Variants in PLXNA2 observed in about 807,000 individuals in gnomAD.
PLXNA2 encodes plexin A2.
PLXNA2 carries 91 observed loss-of-function variants against 193.5 expected under a neutral mutation model. The observed-to-expected ratio is 0.47, with a 90% CI of 0.40 to 0.56. The LOEUF is 0.56. PLXNA2 is among the 20% of genes least tolerant of loss of function. The pLI is 0.00. For missense variants in PLXNA2, 1,995 were observed against 2,503.2 expected (o/e 0.80, Z 4.33); for synonymous variants, 997 against 1,027.3 (o/e 0.97, Z 0.56).
chr1:208,217,725 G>T lies in PLXNA2; in HGVS notation c.198C>A (p.Ala66=). 1.2e-6 allele frequency: 2 copies of T among 1,614,164 alleles called. No homozygotes were observed. Among genetic ancestry groups the T allele is most frequent in the Non-Finnish European group, 1.7e-6 (2 of 1,180,032 alleles). ...CTGTCAGCTTATAGACCCGGTTGAT[G>T]GCCCCCACATAGACGGCCCCCGTCC... The part of the protein sequence containing the change: ...HQGTGAVYVG[A]INRVYKLTGN... Residue 66 remains alanine (A), a synonymous_variant, in exon 2 of 32, where the codon GCC becomes GCA. Coordinates refer to ENST00000367033, the MANE Select transcript of PLXNA2 (RefSeq NM_025179.4). The surrounding 1 kb of genome is among the most constrained non-coding windows in gnomAD (Gnocchi z 4.7).
At chr1:208,114,243 G>A (rs1002848845) in intron 4 of PLXNA2, among the ~76,000 whole-genome samples, 4 of 152,290 alleles carry the variant, frequency 2.6e-5, no homozygotes, top group East Asian at 1.9e-4. Context: ...TTGATAATAC[G>A]TGTGGGTTCT....
chr1:208,054,043 T>G (rs1341047803), intron 14 of PLXNA2, among the ~76,000 whole-genome samples: 1 of 152,212 alleles, frequency 6.6e-6, no homozygotes, highest in African/African-American at 2.4e-5. Flanking sequence ...ATTAGGTCCC[T>G]CAGGCTATGC....
intron 27 of PLXNA2, 88 bp from the exon 28 acceptor site, chr1:208,033,597 C>A (rs1664577232): frequency 9.0e-7 from 1 of 1,105,520 alleles, no homozygotes; most frequent in Non-Finnish European, 1.3e-6. Context: ...CCGCCTGCTG[C>A]ATCCACTCAG....
chr1:208,152,288 T>C (rs1480304882), intron 3 of PLXNA2, among the ~76,000 whole-genome samples: 1 of 151,778 alleles, frequency 6.6e-6, no homozygotes, highest in African/African-American at 2.4e-5. Flanking sequence ...ACACGTGGCA[T>C]GTGCCCACCA....
At chr1:208,168,991 C>T (rs550419890) in intron 3 of PLXNA2, among the ~76,000 whole-genome samples, 5 of 152,024 alleles carry the variant, frequency 3.3e-5, no homozygotes, top group African/African-American at 2.4e-5. Context: ...CCCTGCCCTT[C>T]GATGGTTTTC....
intron 2 of PLXNA2, among the ~76,000 whole-genome samples, chr1:208,214,041 G>A (rs1671046654): frequency 1.3e-5 from 2 of 152,008 alleles, no homozygotes; most frequent in Admixed American, 6.5e-5. Flanking sequence ...GCTGGACTCT[G>A]CAAGCATTTA....
At chr1:208,043,240 GCC>G in intron 20 of PLXNA2, 37 bp from the exon 21 acceptor site, 1 of 1,602,560 alleles carries the variant, frequency 6.2e-7, no homozygotes, top group Non-Finnish European at 8.5e-7. Context: ...TCGTGGGGAA[GCC>G]CCAGTCGGGG....
chr1:208,234,462 C>T (rs1053059515), intron 1 of PLXNA2, among the ~76,000 whole-genome samples: 2 of 152,222 alleles, frequency 1.3e-5, no homozygotes, highest in Non-Finnish European at 2.9e-5. Flanking sequence ...GGCCCCATCC[C>T]GCACTCTGCA....
intron 3 of PLXNA2, among the ~76,000 whole-genome samples, chr1:208,166,414 T>C (rs935139266): frequency 7.9e-5 from 12 of 152,244 alleles, no homozygotes; most frequent in Non-Finnish European, 1.3e-4. Flanking sequence ...ATCATTGACC[T>C]GCAGGTACTT....
At chr1:208,175,635 G>A (rs1022744805) in intron 3 of PLXNA2, among the ~76,000 whole-genome samples, 1 of 152,170 alleles carries the variant, frequency 6.6e-6, no homozygotes, top group Non-Finnish European at 1.5e-5. Context: ...CCAGTCCTTT[G>A]TTGAGAAGTC....
At chr1:208,113,535 G>GCT (rs1371771644) in intron 4 of PLXNA2, among the ~76,000 whole-genome samples, 6 of 143,326 alleles carry the variant, frequency 4.2e-5, no homozygotes, top group African/African-American at 1.0e-4. Flanking sequence ...AATCCCAAAT[G>GCT]CTCTCTCTCT....
At chr1:208,090,077 C>T (rs952542198) in intron 9 of PLXNA2, among the ~76,000 whole-genome samples, 2 of 152,176 alleles carry the variant, frequency 1.3e-5, no homozygotes, top group African/African-American at 2.4e-5. Context: ...TTTTAGGAAG[C>T]CCCGGAAGTG....
intron 3 of PLXNA2, among the ~76,000 whole-genome samples, chr1:208,162,535 T>C (rs1204943857): frequency 6.6e-6 from 1 of 152,184 alleles, no homozygotes; most frequent in African/African-American, 2.4e-5. Flanking sequence ...GAGGAGACTA[T>C]GGGGAGAAGC....
At chr1:208,242,033 A>T (rs1217538378) in intron 1 of PLXNA2, among the ~76,000 whole-genome samples, 2 of 152,132 alleles carry the variant, frequency 1.3e-5, no homozygotes. Flanking sequence ...AAGTTAATGA[A>T]TTCTTCTCTT....
chr1:208,085,277 A>G (rs2102392206), intron 9 of PLXNA2, among the ~76,000 whole-genome samples: 1 of 152,252 alleles, frequency 6.6e-6, no homozygotes, highest in South Asian at 2.1e-4. Flanking sequence ...CAGAGGTCAA[A>G]GGGCCACCCC....
intron 12 of PLXNA2, among the ~76,000 whole-genome samples, chr1:208,075,740 C>T (rs925900487): frequency 1.6e-4 from 23 of 140,342 alleles, no homozygotes; most frequent in Non-Finnish European, 3.2e-4. Flanking sequence ...TAAAGAAGAG[C>T]TTTTCTCTCT....
At chr1:208,146,873 ATCT>A (rs1462173268) in intron 3 of PLXNA2, among the ~76,000 whole-genome samples, 4 of 152,012 alleles carry the variant, frequency 2.6e-5, no homozygotes, top group African/African-American at 9.7e-5. Context: ...TCTATTTGGG[ATCT>A]TCTTCTTCTG....
intron 4 of PLXNA2, among the ~76,000 whole-genome samples, chr1:208,117,360 G>A (rs1260006614): frequency 2.0e-5 from 3 of 152,144 alleles, no homozygotes; most frequent in Non-Finnish European, 4.4e-5. Flanking sequence ...AACTTGGGAG[G>A]TCACCGCTCC....
intron 27 of PLXNA2, among the ~76,000 whole-genome samples, chr1:208,033,892 G>C (rs543547413): frequency 5.3e-4 from 81 of 152,284 alleles, no homozygotes; most frequent in African/African-American, 1.8e-3. Flanking sequence ...CTCCTCTTGG[G>C]AGTTAAGGGT....
Sources: allele counts gnomAD v4.1 joint callset (sites outside exome capture counted in the v4.1 genomes callset), GRCh38; gene constraint gnomAD v4.1.1; non-coding constraint Gnocchi (gnomAD v3.1); transcripts MANE v1.5; gene names NCBI Gene and HGNC (gene_info 2026-07-23, HGNC 2026-07-21).